Variants in SPATS2 observed in about 807,000 individuals in gnomAD.
SPATS2 encodes spermatogenesis-associated serine-rich protein 2.
A neutral mutation model predicts 63.7 loss-of-function variants in SPATS2; 38 were observed. The ratio of observed to expected loss-of-function variants is 0.60; its 90% CI spans 0.46 to 0.78. SPATS2 has a LOEUF of 0.78. SPATS2 is among the 30% of genes least tolerant of loss of function. The probability of loss-of-function intolerance (pLI) is 0.00; values close to 1 mark genes in which losing one functional copy is unlikely to be tolerated. For synonymous variants in SPATS2, 207 were observed against 232.9 expected (o/e 0.89, Z 1.01); for missense variants, 588 against 666.2 (o/e 0.88, Z 1.29).
chr12:49,367,040 T>G (rs1943908201), upstream of SPATS2: 1 of 152,042 alleles, frequency 6.6e-6, no homozygotes, highest in South Asian at 2.1e-4. Flanking sequence ...CAGTCTCCGG[T>G]GGCGCGCGAG....
At chr12:49,425,630 T>G (rs1312405036) in intron 2 of SPATS2, among the ~76,000 whole-genome samples, 1 of 151,296 alleles carries the variant, frequency 6.6e-6, no homozygotes, top group Non-Finnish European at 1.5e-5. Flanking sequence ...ATGTAAGTGT[T>G]AATATTTCTG....
At chr12:49,491,868 G>A (rs117806540) in intron 6 of SPATS2, among the ~76,000 whole-genome samples, 1,587 of 152,282 alleles carry the variant, frequency 0.01, 16 homozygotes, top group Non-Finnish European at 0.016. Context: ...CACTGTAAAG[G>A]TAACCCCTTT....
intron 3 of SPATS2, among the ~76,000 whole-genome samples, chr12:49,471,560 G>A (rs533660747): frequency 5.9e-5 from 9 of 152,242 alleles, no homozygotes; most frequent in Non-Finnish European, 1.0e-4. Flanking sequence ...TCAAGTTTTA[G>A]GTTTCAAGTG....
At chr12:49,401,853 C>T (rs760319728) in intron 2 of SPATS2, among the ~76,000 whole-genome samples, 63 of 152,186 alleles carry the variant, frequency 4.1e-4, no homozygotes, top group Non-Finnish European at 7.9e-4. Flanking sequence ...ATGTAGCACA[C>T]TGCCCAACTA....
At chr12:49,410,198 C>T (rs1485898236) in intron 2 of SPATS2, among the ~76,000 whole-genome samples, 2 of 152,002 alleles carry the variant, frequency 1.3e-5, no homozygotes, top group African/African-American at 4.8e-5. Context: ...GCCTCAGCCT[C>T]CTGAGTAGCT....
rs191423930 is a variant in SPATS2, at chr12:49,431,005, G to A, written c.-243-29765G>A. Among the ~76,000 whole-genome samples, 17 of 152,128 alleles carry A rather than the reference G, an allele frequency of 1.1e-4. No homozygotes were observed. The East Asian group carries it at 3.3e-3, about 30-fold the overall frequency. ...CCCAGCTGGGGTCTTTTTAAAAAGG[G>A]TGCGCTATTAATTTTTTTGAACAGA... On this transcript the variant is annotated intron_variant, in intron 2 of 13. Transcript: ENST00000552918.
At chr12:49,466,849 A>G (rs1319148979) in intron 3 of SPATS2, among the ~76,000 whole-genome samples, 1 of 152,142 alleles carries the variant, frequency 6.6e-6, no homozygotes, top group East Asian at 1.9e-4. Flanking sequence ...TTGGAATCTG[A>G]TAGAGAGTGC....
At chr12:49,406,284 C>CTT (rs775907945) in intron 2 of SPATS2, among the ~76,000 whole-genome samples, 9 of 142,500 alleles carry the variant, frequency 6.3e-5, no homozygotes, top group African/African-American at 1.8e-4. Context: ...TTTTTGTAAA[C>CTT]TTTTTTTTTT....
intron 2 of SPATS2, among the ~76,000 whole-genome samples, chr12:49,460,022 C>T (rs1304368174): frequency 2.0e-5 from 3 of 151,236 alleles, no homozygotes; most frequent in Non-Finnish European, 4.4e-5. Context: ...GCAGGAGAAT[C>T]GCTTGAACCT....
At chr12:49,379,902 C>G (rs1458841289) in intron 2 of SPATS2, among the ~76,000 whole-genome samples, 1 of 152,076 alleles carries the variant, frequency 6.6e-6, no homozygotes, top group Admixed American at 6.5e-5. Flanking sequence ...GGATTACAGG[C>G]ATGAGCCACT....
At chr12:49,443,269 A>G (rs960313746) in intron 2 of SPATS2, among the ~76,000 whole-genome samples, 4 of 152,156 alleles carry the variant, frequency 2.6e-5, no homozygotes, top group African/African-American at 9.7e-5. Context: ...CTAATTTTTT[A>G]TGTGGTAGTG....
intron 2 of SPATS2, among the ~76,000 whole-genome samples, chr12:49,443,923 T>C (rs560155776): frequency 1.3e-5 from 2 of 152,348 alleles, no homozygotes; most frequent in South Asian, 2.1e-4. Context: ...GTAGTGGAAG[T>C]CCTCCAAAAT....
intron 2 of SPATS2, among the ~76,000 whole-genome samples, chr12:49,379,567 A>T (rs535559181): frequency 6.7e-6 from 1 of 150,234 alleles, no homozygotes; most frequent in African/African-American, 2.4e-5. Context: ...AAAAAAAAAA[A>T]AGAAAACAAA....
chr12:49,430,111 T>G (rs1214064006), intron 2 of SPATS2, among the ~76,000 whole-genome samples: 1 of 147,884 alleles, frequency 6.8e-6, no homozygotes, highest in East Asian at 2.0e-4. Context: ...TTTTTTTTTT[T>G]TTTTTTTGAG....
intron 2 of SPATS2, among the ~76,000 whole-genome samples, chr12:49,382,239 A>G (rs1029520736): frequency 2.0e-5 from 3 of 152,252 alleles, no homozygotes; most frequent in Non-Finnish European, 4.4e-5. Flanking sequence ...CATCTGTTAC[A>G]TACTTTCACA....
intron 2 of SPATS2, among the ~76,000 whole-genome samples, chr12:49,451,808 G>A (rs1429941219): frequency 2.0e-5 from 3 of 152,230 alleles, no homozygotes; most frequent in East Asian, 3.8e-4. Context: ...AGGTTTGCAA[G>A]CAATGGATTC....
intron 3 of SPATS2, among the ~76,000 whole-genome samples, chr12:49,478,905 T>C (rs1161457600): frequency 6.6e-6 from 1 of 152,134 alleles, no homozygotes; most frequent in Non-Finnish European, 1.5e-5. Context: ...AGGAGCTTTA[T>C]TGAGTGTTAC....
At chr12:49,488,237 G>GT (rs1565746374) in intron 4 of SPATS2, among the ~76,000 whole-genome samples, 1 of 151,680 alleles carries the variant, frequency 6.6e-6, no homozygotes, top group Non-Finnish European at 1.5e-5. Flanking sequence ...TAGAGACGGC[G>GT]TTTTTCCATG....
At chr12:49,398,225 A>G (rs1399717759) in intron 2 of SPATS2, among the ~76,000 whole-genome samples, 1 of 150,830 alleles carries the variant, frequency 6.6e-6, no homozygotes, top group African/African-American at 2.4e-5. Flanking sequence ...TTAAATGAGG[A>G]TGGGGGCCAG....
Sources: gnomAD v4.1 joint callset for allele counts (sites outside exome capture counted in the v4.1 genomes callset) on GRCh38, gnomAD v4.1.1 for gene constraint, MANE v1.5 for transcripts, NCBI Gene and HGNC (gene_info 2026-07-23, HGNC 2026-07-21) for gene names.